The following CYP2F1 variants were observed in gnomAD, a reference collection of about 807,000 sequenced individuals.
The protein encoded by CYP2F1 is cytochrome P450 2F1.
In CYP2F1, 33 loss-of-function variants were observed where a neutral mutation model predicts 40.4. The observed-to-expected ratio is 0.82, with a 90% confidence interval of 0.62 to 1.09. The LOEUF (loss-of-function observed/expected upper bound fraction) is 1.09, where lower values mean the gene tolerates loss of function less well. CYP2F1 is among the 50% of genes least tolerant of loss of function. The pLI is 0.00. For missense variants in CYP2F1, 566 were observed against 655.7 expected (o/e 0.86, Z 1.49); for synonymous variants, 235 against 277.2 (o/e 0.85, Z 1.51).
At chr19:41,116,673 G>T in intron 3 of CYP2F1, 56 bp downstream of exon 3, 1 of 1,574,600 alleles carries the variant, frequency 6.4e-7, no homozygotes, top group Non-Finnish European at 8.7e-7. Flanking sequence ...GAGGGAGGGG[G>T]TGAGGGTGAG....
In CYP2F1 at chr19:41,121,765, C is replaced by T. The variant is rs2032221653; in HGVS notation, c.645+147C>T. 6 of 977,150 alleles carry T rather than the reference C, an allele frequency of 6.1e-6. No homozygotes were observed. In the East Asian group the frequency reaches 7.7e-5, roughly 13 times the overall value. 60.5% of individuals were successfully genotyped at this position (977,150 alleles called of 1,614,324 possible). ...GACCCCACCCAGAGTTACACGGCCA[C>T]GCCCACTCCCCTCCACTGAGCATTT... On this transcript the variant is annotated intron_variant, in intron 5 of 9. Transcript: ENST00000331105.
chr19:41,120,861 C>T (rs148643348), intron 4 of CYP2F1, among the ~76,000 whole-genome samples: 7 of 151,976 alleles, frequency 4.6e-5, no homozygotes, highest in African/African-American at 1.7e-4. Flanking sequence ...CGCTCTGTCC[C>T]CCAGGCTGGA....
intron 3 of CYP2F1, among the ~76,000 whole-genome samples, chr19:41,116,960 A>G (rs2031853079): frequency 6.6e-6 from 1 of 151,498 alleles, no homozygotes. Flanking sequence ...CCTCAACCCA[A>G]TCCCAGTCCC....
Position 41,121,464 on chromosome 19 carries a change from C to T in CYP2F1, c.491C>T (p.Pro164Leu). The T allele has an allele frequency of 6.2e-7, 1 of 1,609,354 alleles. No individual in the cohort carries two copies. Among genetic ancestry groups the T allele is most frequent in the Non-Finnish European group, 8.5e-7 (1 of 1,179,526 alleles). ...LAELRKTEGE[P>L]FDPTFVLSRS... ...TTGCACTCCTTACCCTCAGGCGAGC[C>T]CTTTGACCCCACGTTTGTGCTGAGT... Residue 164 changes from proline to leucine, a missense_variant, in exon 5 of 10, where the codon CCC (proline) becomes CTC (leucine). Transcript: ENST00000331105.
intron 4 of CYP2F1, 126 bp from the exon 5 acceptor site, chr19:41,121,332 G>A (rs1335476653): frequency 5.2e-6 from 5 of 968,810 alleles, no homozygotes; most frequent in Non-Finnish European, 7.7e-6. Context: ...CCATGTCCCC[G>A]TGTTTGCACC....
At chr19:41,116,094 G>A in intron 1 of CYP2F1, 84 bp from the exon 2 acceptor site, 1 of 1,305,156 alleles carries the variant, frequency 7.7e-7, no homozygotes, top group Non-Finnish European at 1.0e-6. Context: ...TCATTTCCAG[G>A]GCCTAGGGAA....
rs564224445 is a variant in CYP2F1, at chr19:41,125,069, G to A, written c.1152+163G>A. 99 of 634,470 alleles carry A rather than the reference G, an allele frequency of 1.6e-4. No homozygotes were observed. The African/African-American group carries it at 1.6e-3, about 10-fold the overall frequency. The allele number at this position is 634,470 out of a possible 1,614,324, so 39.3% of individuals were successfully genotyped here. A position where few individuals can be genotyped will look rare whatever the true frequency, so the allele number is the denominator to read the frequency against. ...ACATCTCAGACCCTTAAATCCAGAA[G>A]CTCAGGCCTTTGCCAGGACCCCATC... is the stretch of plus-strand genomic sequence containing the variant. On this transcript the variant is annotated intron_variant, in intron 8 of 9. Coordinates refer to ENST00000331105, the MANE Select transcript of CYP2F1 (RefSeq NM_000774.5).
chr19:41,121,698 A>C, intron 5 of CYP2F1, 80 bp downstream of exon 5: 2 of 1,407,080 alleles, frequency 1.4e-6, no homozygotes, highest in Non-Finnish European at 1.9e-6. Context: ...GGGCGGGGAA[A>C]GGGCTGTGAA....
chr19:41,122,491 T>TACACACAC (rs1405279694), intron 6 of CYP2F1, among the ~76,000 whole-genome samples: 3 of 151,514 alleles, frequency 2.0e-5, no homozygotes, highest in African/African-American at 7.3e-5. Context: ...CACACATACA[T>TACACACAC]ACACACACAC....
At chr19:41,119,241 T>A (rs1209550497) in intron 3 of CYP2F1, among the ~76,000 whole-genome samples, 2 of 151,902 alleles carry the variant, frequency 1.3e-5, no homozygotes, top group Non-Finnish European at 2.9e-5. Context: ...AGAGACGGGG[T>A]CTGTTTTGTT....
Position 41,121,956 on chromosome 19 carries a change from G to C in CYP2F1, c.646-1G>C. ...ACCCTCCTACTCTGTCTGGTCCCCA[G>C]TTGTACGACATCTTCCCGAGCCTCC... On this transcript the variant is annotated splice_acceptor_variant, in intron 5 of 9. Coordinates refer to ENST00000331105, the MANE Select transcript of CYP2F1 (RefSeq NM_000774.5). LOFTEE classifies it high-confidence loss of function. 1 of 1,612,988 alleles carries C rather than the reference G, an allele frequency of 6.2e-7. No individual in the cohort carries two copies. The highest frequency in any genetic ancestry group is 8.5e-7 in the Non-Finnish European group (1 of 1,179,564).
chr19:41,119,676 A>G (rs2032025145), intron 3 of CYP2F1, among the ~76,000 whole-genome samples: 1 of 78,334 alleles, frequency 1.3e-5, no homozygotes, highest in Admixed American at 1.4e-4. Context: ...CAACAGAGCA[A>G]GACTCCGTCT....
rs570367199 is a variant in CYP2F1 at position 41,126,892 on chromosome 19, G to GT, written c.1295-1006dup. On this transcript the variant is annotated intron_variant, in intron 9 of 9. Coordinates refer to ENST00000331105, the MANE Select transcript of CYP2F1 (RefSeq NM_000774.5). ...AGGTGGTTCTAGGGGTTTTTGTTTT[G>GT]TTTGTTTGTTTTTTGGCTTTCCTCT... 1.3e-3 allele frequency among the ~76,000 whole-genome samples: 202 copies of GT among 152,112 alleles called. 1 individual carries two copies. The highest frequency in any genetic ancestry group is 2.3e-3 in the Non-Finnish European group (156 of 67,962).
At chr19:41,122,783 C>A (rs549995685) in intron 6 of CYP2F1, 39 bp from the exon 7 acceptor site, 10 of 1,512,692 alleles carry the variant, frequency 6.6e-6, no homozygotes, top group South Asian at 5.5e-5. Context: ...GAAGGGGCCT[C>A]CATTCCTGGC....
chr19:41,124,250 C>CT (rs56760943), intron 7 of CYP2F1, among the ~76,000 whole-genome samples: 1 of 102,682 alleles, frequency 9.7e-6, no homozygotes, highest in Admixed American at 9.9e-5. Flanking sequence ...CCTCTTCCCC[C>CT]CCCCCTTTTT....
At chr19:41,118,830 A>G (rs1445246320) in intron 3 of CYP2F1, among the ~76,000 whole-genome samples, 1 of 152,242 alleles carries the variant, frequency 6.6e-6, no homozygotes, top group East Asian at 1.9e-4. Flanking sequence ...TGAGGAGTCA[A>G]TGAGACAATG....
intron 9 of CYP2F1, among the ~76,000 whole-genome samples, chr19:41,127,527 T>A (rs2032590767): frequency 6.6e-6 from 1 of 152,066 alleles, no homozygotes; most frequent in Non-Finnish European, 1.5e-5. Flanking sequence ...AGAGATGGGA[T>A]CTTGCTGTGT....
Position 41,117,481 on chromosome 19 carries a change from A to G in CYP2F1, c.334+864A>G, listed in dbSNP as rs866650316. 1.1e-4 allele frequency among the ~76,000 whole-genome samples: 16 copies of G among 152,056 alleles called. No individual in the cohort carries two copies. The East Asian group carries it at 2.5e-3, about 24-fold the overall frequency. On this transcript the variant is annotated intron_variant, in intron 3 of 9. Coordinates refer to ENST00000331105, the MANE Select transcript of CYP2F1 (RefSeq NM_000774.5). ...CCCCCAATCCCAGCCCCATCTCCTA[A>G]CCCAATTACCTATTGAAATTTCCAG... is the stretch of plus-strand genomic sequence containing the variant.
intron 1 of CYP2F1, among the ~76,000 whole-genome samples, chr19:41,114,703 G>T (rs549433008): frequency 3.1e-4 from 47 of 151,546 alleles, no homozygotes; most frequent in Non-Finnish European, 3.4e-4. Flanking sequence ...CAACCCCATG[G>T]TTGGCAACAC....
Sources: gnomAD v4.1 joint callset for allele counts (sites outside exome capture counted in the v4.1 genomes callset) on GRCh38, gnomAD v4.1.1 for gene constraint, MANE v1.5 for transcripts, NCBI Gene and HGNC (gene_info 2026-07-23, HGNC 2026-07-21) for gene names.